Variants in DLGAP5 observed in about 807,000 individuals in gnomAD.
The protein encoded by DLGAP5 is disks large-associated protein 5.
In DLGAP5, 90 loss-of-function variants were observed where a neutral mutation model predicts 99.6. The observed-to-expected ratio is 0.90, with a 90% confidence interval of 0.76 to 1.08. The LOEUF is 1.08. Ranked by LOEUF, DLGAP5 falls within the 50% of genes least tolerant of loss-of-function variation. The pLI, the probability that DLGAP5 is intolerant of heterozygous loss-of-function variation, is 0.00. For missense variants in DLGAP5, 1,036 were observed against 983.5 expected, an observed-to-expected ratio of 1.05 and a Z score of -0.71; for synonymous variants, 311 against 321.3, an observed-to-expected ratio of 0.97 and a Z score of 0.34.
At chr14:55,153,371 C>A (rs1312208891) in intron 15 of DLGAP5, among the ~76,000 whole-genome samples, 1 of 151,978 alleles carries the variant, frequency 6.6e-6, no homozygotes. Flanking sequence ...GAAACCCCGT[C>A]TCTACTAAAA....
At chr14:55,148,602 C>T in intron 18 of DLGAP5, 129 bp from the exon 19 acceptor site, 1 of 1,543,298 alleles carries the variant, frequency 6.5e-7, no homozygotes, top group East Asian at 2.4e-5. Context: ...ACCTGTAGTC[C>T]CAGCTACTCG....
intron 18 of DLGAP5, 58 bp downstream of exon 18, chr14:55,150,741 A>G: frequency 7.8e-7 from 1 of 1,276,998 alleles, no homozygotes; most frequent in East Asian, 2.5e-5. Flanking sequence ...GAAAAGCAAT[A>G]TTCATTTTAT....
intron 8 of DLGAP5, 131 bp downstream of exon 8, chr14:55,176,931 T>C: frequency 1.5e-6 from 1 of 677,270 alleles, no homozygotes; most frequent in Non-Finnish European, 2.0e-6. Flanking sequence ...TGAGGGGAGA[T>C]CACGCCACTG....
intron 7 of DLGAP5, 26 bp from the exon 8 acceptor site, chr14:55,177,362 G>T (rs749701178): frequency 1.0e-5 from 16 of 1,546,324 alleles, no homozygotes; most frequent in Non-Finnish European, 1.4e-5. Context: ...ACAAAGTAGA[G>T]TAAGATTTCT....
At chr14:55,171,466 A>G (rs142531148) in intron 10 of DLGAP5, among the ~76,000 whole-genome samples, 4 of 152,354 alleles carry the variant, frequency 2.6e-5, no homozygotes, top group African/African-American at 4.8e-5. Flanking sequence ...ATTTGTGTCT[A>G]TGGAAAAAGT....
At chr14:55,185,807 C>T (rs1467187155) in intron 2 of DLGAP5, among the ~76,000 whole-genome samples, 1 of 152,170 alleles carries the variant, frequency 6.6e-6, no homozygotes, top group East Asian at 1.9e-4. Context: ...CTTTACATTC[C>T]CTCTCTTTTC....
At chr14:55,156,170 A>G (rs920487270) in intron 14 of DLGAP5, among the ~76,000 whole-genome samples, 6 of 152,156 alleles carry the variant, frequency 3.9e-5, no homozygotes, top group African/African-American at 1.4e-4. Context: ...GGCTCCAAGT[A>G]TCTCTGCAAG....
At chr14:55,176,742 G>A (rs980880382) in intron 8 of DLGAP5, among the ~76,000 whole-genome samples, 1 of 151,994 alleles carries the variant, frequency 6.6e-6, no homozygotes, top group Non-Finnish European at 1.5e-5. Flanking sequence ...ACTTTGGGAG[G>A]CCGAGGCGGG....
chr14:55,154,343 C>A (rs1882126084), intron 15 of DLGAP5, among the ~76,000 whole-genome samples: 1 of 152,160 alleles, frequency 6.6e-6, no homozygotes, highest in South Asian at 2.1e-4. Flanking sequence ...TGTTGAGCAC[C>A]AAAGTTGTAG....
At position 55,158,596 on chromosome 14, in the gene DLGAP5, A is replaced by T. The variant is rs778922367; in HGVS notation, c.1799T>A (p.Ile600Lys). 4.3e-6 allele frequency: 7 copies of T among 1,614,064 alleles called. No homozygotes were observed. ...CACTATTTTATCAACTTCCTTTGGT[A>T]TCACAGAAACTGCTGTTTCAGCACA... The part of the protein sequence containing the change: ...EECAETAVSV[I>K]PKEVDKIVFD... The change falls in exon 14 of 19, where the codon ATA (isoleucine) becomes AAA (lysine). Residue 600 changes from isoleucine (I) to lysine (K), a missense_variant. Coordinates refer to ENST00000247191, the MANE Select transcript of DLGAP5 (RefSeq NM_014750.5).
At chr14:55,179,166 T>G (rs1417792707) in intron 7 of DLGAP5, among the ~76,000 whole-genome samples, 1 of 152,194 alleles carries the variant, frequency 6.6e-6, no homozygotes. Flanking sequence ...CAGGCAGAAA[T>G]TTTAGTTTAT....
intron 8 of DLGAP5, among the ~76,000 whole-genome samples, chr14:55,176,688 A>C (rs1001861792): frequency 1.3e-5 from 2 of 152,112 alleles, no homozygotes; most frequent in Admixed American, 6.6e-5. Flanking sequence ...AAATATAAGA[A>C]AGACATTTGG....
intron 18 of DLGAP5, 144 bp from the exon 19 acceptor site, chr14:55,148,617 G>A (rs1881904958): frequency 6.6e-7 from 1 of 1,525,884 alleles, no homozygotes; most frequent in African/African-American, 1.4e-5. Context: ...TACTCGGGAG[G>A]CTGAGGTGGT....
rs539653479 is a variant in DLGAP5 at position 55,152,712 on chromosome 14, A to G, written c.2064-65T>C. The G allele has an allele frequency of 2.2e-6, 3 of 1,380,916 alleles. No homozygotes were observed. In the South Asian group the frequency reaches 4.6e-5, roughly 21 times the overall value. The allele number at this position is 1,380,916 out of a possible 1,614,324, so 85.5% of individuals were successfully genotyped here. On this transcript the variant is annotated intron_variant, in intron 15 of 18. Coordinates refer to ENST00000247191, the MANE Select transcript of DLGAP5 (RefSeq NM_014750.5). ...TTGTTATTGTTTCACTTGTATTTTG[A>G]GTCTTTCCTTTAATGATGGCAATTA... is the stretch of plus-strand genomic sequence containing the variant.
intron 12 of DLGAP5, among the ~76,000 whole-genome samples, chr14:55,167,891 C>T (rs1267478028): frequency 6.6e-6 from 1 of 152,112 alleles, no homozygotes; most frequent in African/African-American, 2.4e-5. Context: ...CCTCTTTATC[C>T]CAGAGTTACA....
At chr14:55,190,353 T>C (rs904662368) in intron 1 of DLGAP5, among the ~76,000 whole-genome samples, 4 of 151,384 alleles carry the variant, frequency 2.6e-5, no homozygotes, top group Non-Finnish European at 5.9e-5. Flanking sequence ...CATGCCTTTT[T>C]CTTGGAAAGA....
chr14:55,159,082 T>TAAAA (rs67774456), intron 13 of DLGAP5, among the ~76,000 whole-genome samples: 1 of 102,934 alleles, frequency 9.7e-6, no homozygotes, highest in Non-Finnish European at 2.2e-5. Flanking sequence ...AAAAAGTAAA[T>TAAAA]AAAAAAAAAG....
intron 2 of DLGAP5, 78 bp downstream of exon 2, chr14:55,188,863 GT>G (rs904997114): frequency 9.7e-6 from 10 of 1,034,328 alleles, no homozygotes; most frequent in Admixed American, 2.6e-5. Flanking sequence ...TCTGGCCAGA[GT>G]TTTTTACTCA....
chr14:55,164,791 A>G (rs1372962928), intron 12 of DLGAP5, among the ~76,000 whole-genome samples: 2 of 151,820 alleles, frequency 1.3e-5, no homozygotes, highest in Non-Finnish European at 2.9e-5. Flanking sequence ...GCATGGTGGC[A>G]TGCACCTGTA....
Sources: gnomAD v4.1 joint callset for allele counts (sites outside exome capture counted in the v4.1 genomes callset) on GRCh38, gnomAD v4.1.1 for gene constraint, MANE v1.5 for transcripts, NCBI Gene and HGNC (gene_info 2026-07-23, HGNC 2026-07-21) for gene names.